Variants in DACH2 observed in about 807,000 individuals in gnomAD.
DACH2 encodes the protein dachshund homolog 2.
In DACH2, 17 loss-of-function variants were observed where a neutral mutation model predicts 35.8. The observed-to-expected ratio is 0.48, with a 90% CI of 0.33 to 0.71. The LOEUF (loss-of-function observed/expected upper bound fraction) is 0.71. Ranked by LOEUF, DACH2 falls within the 30% of genes least tolerant of loss-of-function variation. The pLI, the probability that DACH2 is intolerant of heterozygous loss-of-function variation, is 0.02. For missense variants in DACH2, 469 were observed against 472.7 expected (o/e 0.99, Z 0.07); for synonymous variants, 195 against 177.3 (o/e 1.10, Z -0.79).
At chrX:86,756,782 T>A (rs753652531) in intron 7 of DACH2, among the ~76,000 whole-genome samples, 1 of 111,563 alleles carries the variant, frequency 9.0e-6, no homozygotes, top group African/African-American at 3.3e-5. Flanking sequence ...TGAATAGACA[T>A]GCTGAAAGTG....
chrX:86,531,828 G>T (rs2148289146), intron 3 of DACH2, among the ~76,000 whole-genome samples: 1 of 112,454 alleles, frequency 8.9e-6, no homozygotes, highest in South Asian at 3.7e-4. Flanking sequence ...CTTGCACCAT[G>T]AACCTGGAAA....
chrX:86,527,505 ATTG>A (rs1253848709), intron 3 of DACH2, among the ~76,000 whole-genome samples: 2 of 112,295 alleles, frequency 1.8e-5, no homozygotes, highest in Admixed American at 9.4e-5. Context: ...GAGATTCCAA[ATTG>A]TTGTGTATAA....
intron 1 of DACH2, among the ~76,000 whole-genome samples, chrX:86,313,557 T>A (rs2148027338): frequency 8.9e-6 from 1 of 112,207 alleles, no homozygotes; most frequent in African/African-American, 3.2e-5. Context: ...ACTTGGAAAG[T>A]AATTTACCCA....
intron 2 of DACH2, 28 bp downstream of exon 2, chrX:86,376,890 C>G (rs2035976453): frequency 1.5e-6 from 1 of 654,921 alleles, no homozygotes; most frequent in African/African-American, 2.2e-5. Flanking sequence ...TTTTAAAAAT[C>G]AAATTCCTGA....
chrX:86,611,514 G>A lies in DACH2; in HGVS notation c.641-39522G>A, dbSNP rs138775493. Among the ~76,000 whole-genome samples, 26 of 111,035 alleles carry A rather than the reference G, an allele frequency of 2.3e-4. No individual in the cohort carries two copies. In the East Asian group the frequency reaches 3.5e-3, roughly 15 times the overall value. ...TAAGGATTGCAGTTCTTGTGGCCTA[G>A]GCTTCCTTTCAAGTTTGTTTAGGGC... On this transcript the variant is annotated intron_variant, in intron 3 of 11. Coordinates refer to ENST00000373125, the MANE Select transcript of DACH2 (RefSeq NM_053281.3).
chrX:86,831,188 G>A (rs1457995975), intron 11 of DACH2: 2 of 111,068 alleles, frequency 1.8e-5, no homozygotes, highest in Non-Finnish European at 3.8e-5. Flanking sequence ...TTATACACAA[G>A]GTTAAAAAAG....
At chrX:86,774,446 A>G (rs867535271) in intron 7 of DACH2, among the ~76,000 whole-genome samples, 9 of 112,360 alleles carry the variant, frequency 8.0e-5, no homozygotes, top group Middle Eastern at 4.6e-3. Context: ...GATAGACTGC[A>G]GTGCACATTT....
intron 2 of DACH2, among the ~76,000 whole-genome samples, chrX:86,456,755 A>G: frequency 9.0e-6 from 1 of 110,768 alleles, no homozygotes. Flanking sequence ...TTTGTAAGGA[A>G]GATCTACTGG....
intron 1 of DACH2, among the ~76,000 whole-genome samples, chrX:86,280,548 A>G (rs780205396): frequency 2.1e-4 from 24 of 112,053 alleles, no homozygotes; most frequent in African/African-American, 7.1e-4. Context: ...GCATCAACTA[A>G]TGGGCAAAAA....
At chrX:86,654,125 G>T (rs1020646839) in intron 4 of DACH2, among the ~76,000 whole-genome samples, 1 of 96,355 alleles carries the variant, frequency 1.0e-5, no homozygotes, top group Non-Finnish European at 2.0e-5. Flanking sequence ...TTCTCCATGA[G>T]AGCCGTGCAC....
intron 4 of DACH2, among the ~76,000 whole-genome samples, chrX:86,653,281 T>C (rs985067115): frequency 1.8e-5 from 2 of 112,058 alleles, no homozygotes; most frequent in African/African-American, 6.5e-5. Flanking sequence ...TTCTGTAACA[T>C]TGGTCTAGTG....
At chrX:86,376,620 A>G (rs185512491) in intron 1 of DACH2, among the ~76,000 whole-genome samples, 84 of 110,757 alleles carry the variant, frequency 7.6e-4, no homozygotes, top group Non-Finnish European at 1.1e-3. Flanking sequence ...TATTTAAAAC[A>G]CTAATAGCAA....
At chrX:86,227,639 T>G (rs1602303749) in intron 1 of DACH2, among the ~76,000 whole-genome samples, 1 of 109,344 alleles carries the variant, frequency 9.1e-6, no homozygotes, top group South Asian at 4.0e-4. Context: ...TTTTTTTAAG[T>G]TTTCAAATTT....
chrX:86,243,511 T>C (rs1021990611), intron 1 of DACH2, among the ~76,000 whole-genome samples: 3 of 112,012 alleles, frequency 2.7e-5, no homozygotes, highest in Non-Finnish European at 5.6e-5. Flanking sequence ...TCAGTTTTCA[T>C]TTTCTGGTCA....
At chrX:86,290,713 G>A (rs1175732422) in intron 1 of DACH2, among the ~76,000 whole-genome samples, 2 of 99,680 alleles carry the variant, frequency 2.0e-5, no homozygotes, top group African/African-American at 7.7e-5. Context: ...TCTCAGGTTT[G>A]TCAAAGATCA....
At chrX:86,621,930 T>G (rs1222192404) in intron 3 of DACH2, among the ~76,000 whole-genome samples, 1 of 111,931 alleles carries the variant, frequency 8.9e-6, no homozygotes, top group Non-Finnish European at 1.9e-5. Flanking sequence ...ATTTACAAAT[T>G]TAGTGACTTC....
intron 6 of DACH2, among the ~76,000 whole-genome samples, chrX:86,716,474 T>A (rs189205697): frequency 3.1e-4 from 35 of 111,373 alleles, no homozygotes; most frequent in African/African-American, 1.0e-3. Context: ...GAGAGGAAGA[T>A]CACTTGAAAC....
At chrX:86,594,168 T>C (rs2039683726) in intron 3 of DACH2, among the ~76,000 whole-genome samples, 1 of 111,611 alleles carries the variant, frequency 9.0e-6, no homozygotes, top group Non-Finnish European at 1.9e-5. Flanking sequence ...TATTTTAAAA[T>C]TGTTTTTAGG....
chrX:86,744,795 C>T (rs984361231), intron 7 of DACH2, among the ~76,000 whole-genome samples: 1 of 111,402 alleles, frequency 9.0e-6, no homozygotes, highest in African/African-American at 3.3e-5. Flanking sequence ...TTTATTTTTT[C>T]ACAGACTATG....
Sources: gnomAD v4.1 joint callset for allele counts (sites outside exome capture counted in the v4.1 genomes callset) on GRCh38, gnomAD v4.1.1 for gene constraint, MANE v1.5 for transcripts, NCBI Gene and HGNC (gene_info 2026-07-23, HGNC 2026-07-21) for gene names.